The following ZFP69 variants were observed in gnomAD, a reference collection of about 807,000 sequenced individuals.
ZFP69 encodes ZFP69 zinc finger protein.
ZFP69 carries 35 observed loss-of-function variants against 48.9 expected under a neutral mutation model. The ratio of observed to expected loss-of-function variants is 0.72; its 90% CI spans 0.55 to 0.95. The LOEUF (loss-of-function observed/expected upper bound fraction) is 0.95. Ranked by LOEUF, ZFP69 falls within the 40% of genes least tolerant of loss-of-function variation. ZFP69 has a pLI of 0.00. For synonymous variants in ZFP69, 193 were observed against 216.8 expected (o/e 0.89, Z 0.96); for missense variants, 557 against 638.4 (o/e 0.87, Z 1.37).
chr1:40,493,973 C>T (rs993808563), intron 5 of ZFP69, among the ~76,000 whole-genome samples: 4 of 152,036 alleles, frequency 2.6e-5, no homozygotes, highest in African/African-American at 7.2e-5. Flanking sequence ...GTAATACTTC[C>T]ATGAACATAT....
chr1:40,485,107 GGTCTC>G (rs920669328), intron 3 of ZFP69, among the ~76,000 whole-genome samples: 2 of 151,444 alleles, frequency 1.3e-5, no homozygotes, highest in African/African-American at 4.9e-5. Context: ...TGGCCGGGCT[GGTCTC>G]GAAATCCTGA....
rs552401804 is a variant in ZFP69 at position 40,487,768 on chromosome 1, C to T, written c.220-1320C>T. Among the ~76,000 whole-genome samples, 3 of 152,226 alleles carry T rather than the reference C, an allele frequency of 2.0e-5. No individual in the cohort carries two copies. In the East Asian group the frequency reaches 5.8e-4, roughly 29 times the overall value. On this transcript the variant is annotated intron_variant, in intron 3 of 5. Transcript: ENST00000372706. The stretch of plus-strand genomic sequence containing the variant: ...CACAGTAAAAAGTGATCTCTCAGGC[C>T]GGGCGCGGTGGCTCACGCCTGTAAT...
chr1:40,478,899 G>A (rs1645416519), intron 1 of ZFP69, 137 bp from the exon 2 acceptor site: 1 of 168,700 alleles, frequency 5.9e-6, no homozygotes, highest in African/African-American at 2.4e-5. Context: ...GTCTGTGCAT[G>A]TTTGTACATC....
Position 40,478,256 on chromosome 1 carries a change from T to A in ZFP69, c.-327+362T>A, listed in dbSNP as rs144413222. 1.4e-3 allele frequency among the ~76,000 whole-genome samples: 209 copies of A among 152,270 alleles called. 1 individual carries two copies. The highest frequency in any genetic ancestry group is 4.9e-3 in the African/African-American group (205 of 41,560). On this transcript the variant is annotated intron_variant, in intron 1 of 5. Coordinates refer to ENST00000372706, the MANE Select transcript of ZFP69 (RefSeq NM_001320179.2). ...CTTGGAGTGCCGTATACTTTGGACC[T>A]GGTCACGGTCAAAGCACCTGCTCAG... is the stretch of plus-strand genomic sequence containing the variant.
At position 40,479,194 on chromosome 1, in the gene ZFP69, T is replaced by C; in HGVS notation, c.-168T>C. 1.3e-6 allele frequency: 1 copy of C among 775,286 alleles called. No homozygotes were observed. Among genetic ancestry groups the C allele is most frequent in the Non-Finnish European group, 2.1e-6 (1 of 482,826 alleles). The allele number at this position is 775,286 out of a possible 1,614,324, so 48.0% of individuals were successfully genotyped here. On this transcript the variant is annotated 5_prime_UTR_variant, in exon 2 of 6. Transcript: ENST00000372706. ...AGTTTGTTTTCCAGAATTGTTAAAG[T>C]CACATCAGTCTCTAGGAACCCCCAG...
chr1:40,480,119 A>T (rs1393594953), intron 2 of ZFP69, among the ~76,000 whole-genome samples: 1 of 152,222 alleles, frequency 6.6e-6, no homozygotes, highest in Non-Finnish European at 1.5e-5. Context: ...TTGGCTAAAC[A>T]TCTTAAAAGA....
Position 40,477,583 on chromosome 1 carries a change from C to G in ZFP69, c.-638C>G, listed in dbSNP as rs1645401487. 6.6e-6 allele frequency: 1 copy of G among 152,296 alleles called. No individual in the cohort carries two copies. Among genetic ancestry groups the G allele is most frequent in the African/African-American group, 2.4e-5 (1 of 41,468 alleles). The allele number at this position is 152,296 out of a possible 1,614,324, so 9.4% of individuals were successfully genotyped here. A position where few individuals can be genotyped will look rare whatever the true frequency, so the allele number is the denominator to read the frequency against. Reference sequence around the variant, plus strand: ...TCCCATTCCGGCCCTCAAAGCCTCGCTCCTGGGGGCGCTGCTGGGAAAGCC... The same window carrying G: ...TCCCATTCCGGCCCTCAAAGCCTCGGTCCTGGGGGCGCTGCTGGGAAAGCC... On this transcript the variant is annotated 5_prime_UTR_variant, in exon 1 of 6. Coordinates refer to ENST00000372706, the MANE Select transcript of ZFP69 (RefSeq NM_001320179.2). The surrounding 1 kb of genome is among the most constrained non-coding windows in gnomAD (Gnocchi z 4.0).
In ZFP69 at chr1:40,494,700, TTATA is replaced by T. The variant is rs199584505; in HGVS notation, c.443-212_443-209del. Among the ~76,000 whole-genome samples the T allele has an allele frequency of 7.5e-3, 1,080 of 143,650 alleles. 9 individuals carry two copies. Among genetic ancestry groups the T allele is most frequent in the Middle Eastern group, 0.023 (6 of 264 alleles). 94.2% of individuals were successfully genotyped at this position (143,650 alleles called of 152,430 possible). A position where few individuals can be genotyped will look rare whatever the true frequency, so the allele number is the denominator to read the frequency against. ...AAATATTTGGTATATAAAATATACA[TTATA>T]TATATATAAATATATATCAAATATA... On this transcript the variant is annotated intron_variant, in intron 5 of 5. Transcript: ENST00000372706.
In ZFP69 at chr1:40,495,684, A is replaced by G. The variant is rs371971720; in HGVS notation, c.1206A>G (p.Ile402Met). ...AGATTAGACACCTTAGTGAACATAT[A>G]AGAATTCATACCGGGGAGAAGCCCT... Reference protein sequence around the residue: ...FRQIRHLSEHIRIHTGEKPYA... With the variant: ...FRQIRHLSEHMRIHTGEKPYA... The change falls in exon 6 of 6, where the codon ATA (isoleucine) becomes ATG (methionine). Residue 402 changes from isoleucine (I) to methionine (M), a missense_variant. Physicochemically the swap from Ile to Met is conservative, Grantham distance 10. Coordinates refer to ENST00000372706, the MANE Select transcript of ZFP69 (RefSeq NM_001320179.2). 5.0e-6 allele frequency: 8 copies of G among 1,614,122 alleles called. No individual in the cohort carries two copies. The African/African-American group carries it at 8.0e-5, about 16-fold the overall frequency.
intron 5 of ZFP69, among the ~76,000 whole-genome samples, chr1:40,492,287 A>T (rs916080268): frequency 3.9e-5 from 6 of 152,182 alleles, no homozygotes; most frequent in Non-Finnish European, 8.8e-5. Context: ...AATTTATTTT[A>T]TATAAATAAA....
intron 5 of ZFP69, chr1:40,490,736 C>T (rs992962763): frequency 6.6e-6 from 1 of 152,164 alleles, no homozygotes; most frequent in Non-Finnish European, 1.5e-5. Flanking sequence ...ATTCCAGCTT[C>T]GATTCTCATT....
chr1:40,487,996 G>A lies in ZFP69; in HGVS notation c.220-1092G>A, dbSNP rs555319266. 2.1e-5 allele frequency among the ~76,000 whole-genome samples: 3 copies of A among 146,164 alleles called. No individual in the cohort carries two copies. In the South Asian group the frequency reaches 6.4e-4, roughly 31 times the overall value. ...CGGGAGGTGGCAGTGAGCTGAGCTC[G>A]CACCACTGCACTCCAGCCTGGACAA... is the stretch of plus-strand genomic sequence containing the variant. On this transcript the variant is annotated intron_variant, in intron 3 of 5. Coordinates refer to ENST00000372706, the MANE Select transcript of ZFP69 (RefSeq NM_001320179.2).
chr1:40,491,763 A>ATATG (rs1553129548), intron 5 of ZFP69, among the ~76,000 whole-genome samples: 40,412 of 129,122 alleles, frequency 0.31, 5,829 homozygotes, highest in East Asian at 0.42. Context: ...GTGTGTGTGT[A>ATATG]TGTGTGTGTG....
At position 40,491,785 on chromosome 1, in the gene ZFP69, G is replaced by A. The variant is rs61781609; in HGVS notation, c.442+2161G>A. On this transcript the variant is annotated intron_variant, in intron 5 of 5. Transcript: ENST00000372706. ...TGTATGTGTGTGTGTGTGTGTGTGT[G>A]TATATATATATATATTCATTCTAGT... 8.4e-3 allele frequency among the ~76,000 whole-genome samples: 1,255 copies of A among 148,810 alleles called. 5 individuals are homozygous for A. Among genetic ancestry groups the A allele is most frequent in the East Asian group, 0.015 (76 of 5,088 alleles).
rs919138142 is a variant in ZFP69, at chr1:40,481,859, G to A, written c.219+5G>A. 2 of 1,601,644 alleles carry A rather than the reference G, an allele frequency of 1.2e-6. No homozygotes were observed. Among genetic ancestry groups the A allele is most frequent in the South Asian group, 1.1e-5 (1 of 90,594 alleles). ...CTCCCGACAGCAGAATCCCAGGTGA[G>A]TAGGGATTCATCTCATTTTCTTGAC... On this transcript the variant is annotated splice_donor_5th_base_variant and intron_variant, in intron 3 of 5. Transcript: ENST00000372706.
chr1:40,479,195 C>T lies in ZFP69; in HGVS notation c.-167C>T, dbSNP rs1645419290. 1.3e-6 allele frequency: 1 copy of T among 782,666 alleles called. No homozygotes were observed. The highest frequency in any genetic ancestry group is 2.0e-6 in the Non-Finnish European group (1 of 489,286). 48.5% of individuals were successfully genotyped at this position (782,666 alleles called of 1,614,324 possible). ...GTTTGTTTTCCAGAATTGTTAAAGT[C>T]ACATCAGTCTCTAGGAACCCCCAGG... On this transcript the variant is annotated 5_prime_UTR_variant, in exon 2 of 6. Coordinates refer to ENST00000372706, the MANE Select transcript of ZFP69 (RefSeq NM_001320179.2).
intron 5 of ZFP69, among the ~76,000 whole-genome samples, chr1:40,494,717 T>C (rs991040316): frequency 3.8e-5 from 5 of 133,034 alleles, no homozygotes; most frequent in African/African-American, 1.5e-4. Context: ...TATATAAATA[T>C]ATATCAAATA....
At chr1:40,491,785 G>GTA (rs745905179) in intron 5 of ZFP69, among the ~76,000 whole-genome samples, 22,142 of 148,544 alleles carry the variant, frequency 0.15, 2,213 homozygotes, top group East Asian at 0.42. Flanking sequence ...GTGTGTGTGT[G>GTA]TATATATATA....
At chr1:40,493,792 TA>T (rs1645593392) in intron 5 of ZFP69, 1 of 152,194 alleles carries the variant, frequency 6.6e-6, no homozygotes, top group African/African-American at 2.4e-5. Context: ...AAAAAAATCT[TA>T]TAAGAAATTA....
Sources: gnomAD v4.1 joint callset for allele counts (sites outside exome capture counted in the v4.1 genomes callset) on GRCh38, gnomAD v4.1.1 for gene constraint, Gnocchi (gnomAD v3.1) non-coding constraint, MANE v1.5 for transcripts, NCBI Gene and HGNC (gene_info 2026-07-23, HGNC 2026-07-21) for gene names.